Variants in POTEF observed in about 807,000 individuals in gnomAD.
The protein encoded by POTEF is POTE ankyrin domain family member F, also known as ANKRD26-like family C member 1B.
Under a neutral mutation model 83.2 loss-of-function variants are expected in POTEF, and 20 were observed. The observed-to-expected ratio is 0.24, with a 90% CI of 0.17 to 0.35. The LOEUF (loss-of-function observed/expected upper bound fraction) is 0.35, where lower values mean the gene tolerates loss of function less well. Among genes scored for constraint, POTEF ranks in the 10% least tolerant of loss-of-function variants. POTEF has a pLI of 1.00. For synonymous variants in POTEF, 196 were observed against 446.4 expected (o/e 0.44, Z 7.07); for missense variants, 550 against 1,203.2 (o/e 0.46, Z 8.03).
intron 3 of POTEF, among the ~76,000 whole-genome samples, chr2:130,115,706 A>G (rs1684828994): frequency 6.6e-6 from 1 of 152,248 alleles, no homozygotes; most frequent in African/African-American, 2.4e-5. Context: ...ACTCTGCACA[A>G]AAGATATAGA....
intron 6 of POTEF, among the ~76,000 whole-genome samples, chr2:130,111,599 G>C (rs1002894758): frequency 6.6e-6 from 1 of 151,468 alleles, no homozygotes; most frequent in Non-Finnish European, 1.5e-5. Flanking sequence ...CCCTATTTAT[G>C]TTTAATACAG....
At chr2:130,083,909 G>A (rs1390899768) in intron 15 of POTEF, among the ~76,000 whole-genome samples, 1 of 74,316 alleles carries the variant, frequency 1.3e-5, no homozygotes, top group Non-Finnish European at 2.6e-5. Flanking sequence ...GTCAGACCAA[G>A]GTTTTAAAGG....
chr2:130,105,267 A>C (rs1309109331), intron 8 of POTEF, among the ~76,000 whole-genome samples: 2 of 151,598 alleles, frequency 1.3e-5, no homozygotes, highest in Non-Finnish European at 2.9e-5. Flanking sequence ...CATAAAAAAA[A>C]TTAAGCAAAA....
In POTEF at chr2:130,073,905, G is replaced by T. The variant is rs1683693306; in HGVS notation, c.*339C>A. The T allele has an allele frequency of 6.3e-6, 3 of 472,862 alleles. No individual in the cohort carries two copies. The highest frequency in any genetic ancestry group is 5.9e-5 in the African/African-American group (3 of 50,950). 29.3% of individuals were successfully genotyped at this position (472,862 alleles called of 1,614,324 possible). Reference sequence around the variant, plus strand: ...TCACCTCCCCTGTGTGAACTAGGGAGAGGACTGGGCCATTCTCCTTAGAGA... The same window carrying T: ...TCACCTCCCCTGTGTGAACTAGGGATAGGACTGGGCCATTCTCCTTAGAGA... On this transcript the variant is annotated 3_prime_UTR_variant, in exon 17 of 17. Transcript: ENST00000409914.
In POTEF at chr2:130,078,255, A is replaced by T. The variant is rs1468345626; in HGVS notation, c.1779-1054T>A. Among the ~76,000 whole-genome samples, 3 of 89,586 alleles carry T rather than the reference A, an allele frequency of 3.3e-5. 1 individual carries two copies. The highest frequency in any genetic ancestry group is 8.5e-5 in the African/African-American group (2 of 23,580). 58.8% of individuals were successfully genotyped at this position (89,586 alleles called of 152,430 possible). On this transcript the variant is annotated intron_variant, in intron 15 of 16. Transcript: ENST00000409914. ...ATACATGAATTCAGTAAAGTCTCAG[A>T]GGTTACAAAATAAATGAATACCAAT...
rs4608469 is a variant in POTEF at position 130,075,065 on chromosome 2, C to A, written c.2407G>T (p.Val803Phe). 5 of 1,613,638 alleles carry A rather than the reference C, an allele frequency of 3.1e-6. 1 individual carries two copies. The highest frequency in any genetic ancestry group is 4.2e-6 in the Non-Finnish European group (5 of 1,179,866). ...TTCAGGGTGGCCTCGGTCAGCAGGA[C>A]GGGGTGCTCCTCGGGAGCCACACGC... is the stretch of plus-strand genomic sequence containing the variant. Reference protein sequence around the residue: ...ELRVAPEEHPVLLTEATLNPK... With the variant: ...ELRVAPEEHPFLLTEATLNPK... The change falls in exon 17 of 17, where the codon GTC becomes TTC. Residue 803 changes from valine to phenylalanine, a missense_variant. Transcript: ENST00000409914.
intron 3 of POTEF, among the ~76,000 whole-genome samples, chr2:130,115,897 T>C (rs1030054667): frequency 1.1e-4 from 17 of 152,092 alleles, no homozygotes; most frequent in African/African-American, 3.6e-4. Flanking sequence ...CTCCATGTTG[T>C]CTCCACTGAA....
At chr2:130,115,943 G>A (rs1226291965) in intron 3 of POTEF, among the ~76,000 whole-genome samples, 2 of 151,870 alleles carry the variant, frequency 1.3e-5, no homozygotes, top group African/African-American at 2.4e-5. Flanking sequence ...TATAATTGGC[G>A]GCATTTAAAT....
chr2:130,127,303 C>A (rs1166403394), intron 2 of POTEF, among the ~76,000 whole-genome samples: 1 of 96,372 alleles, frequency 1.0e-5, no homozygotes, highest in Non-Finnish European at 1.8e-5. Context: ...CCAGCCTGGG[C>A]AAAAGAGCGA....
At chr2:130,114,304 C>A (rs954086637) in intron 5 of POTEF, among the ~76,000 whole-genome samples, 1 of 151,852 alleles carries the variant, frequency 6.6e-6, no homozygotes. Flanking sequence ...ACAACACACA[C>A]ACACACAACC....
Position 130,120,485 on chromosome 2 carries a change from C to T in POTEF, c.31G>A (p.Ala11Thr). ...CCAAATGGCTTCTTCACAGAAGAGG[C>T]AGCCGGCATGGAATCAACCTCAACC... MVVEVDSMPA[A>T]SSVKKPFGLR... Residue 11 changes from alanine (A) to threonine (T), a missense_variant, in exon 3 of 17, where the codon GCC becomes ACC. Coordinates refer to ENST00000409914, the MANE Select transcript of POTEF (RefSeq NM_001099771.2). 1.2e-6 allele frequency: 2 copies of T among 1,613,404 alleles called. No homozygotes were observed. Among genetic ancestry groups the T allele is most frequent in the Non-Finnish European group, 1.7e-6 (2 of 1,179,860 alleles).
At chr2:130,123,319 T>C (rs1019136510) in intron 2 of POTEF, among the ~76,000 whole-genome samples, 25 of 151,204 alleles carry the variant, frequency 1.7e-4, no homozygotes, top group African/African-American at 6.1e-4. Flanking sequence ...AATTCCTACA[T>C]TATCATTGGG....
At chr2:130,118,259 T>A (rs1237467105) in intron 3 of POTEF, among the ~76,000 whole-genome samples, 1 of 151,906 alleles carries the variant, frequency 6.6e-6, no homozygotes, top group Non-Finnish European at 1.5e-5. Flanking sequence ...TCTTCTAACT[T>A]AAATAGAAAA....
rs543591383 is a variant in POTEF at position 130,116,491 on chromosome 2, C to T, written c.522-1163G>A. Among the ~76,000 whole-genome samples the T allele has an allele frequency of 3.3e-4, 49 of 146,906 alleles. 1 individual carries two copies. The highest frequency in any genetic ancestry group is 9.6e-4 in the African/African-American group (37 of 38,642). ...ACCCATTCATTCTATTTCCTGCTTC[C>T]TTCCCTCCTCCCACCCTTCACCCTG... is the stretch of plus-strand genomic sequence containing the variant. On this transcript the variant is annotated intron_variant, in intron 3 of 16. Coordinates refer to ENST00000409914, the MANE Select transcript of POTEF (RefSeq NM_001099771.2).
At chr2:130,077,492 G>A (rs1246389561) in intron 15 of POTEF, among the ~76,000 whole-genome samples, 1 of 148,178 alleles carries the variant, frequency 6.7e-6, no homozygotes, top group East Asian at 2.0e-4. Flanking sequence ...AATATATAAT[G>A]AAATAATTAT....
chr2:130,103,312 G>C (rs1299830319), intron 8 of POTEF, among the ~76,000 whole-genome samples: 3 of 150,346 alleles, frequency 2.0e-5, no homozygotes, highest in Non-Finnish European at 4.4e-5. Flanking sequence ...CATTGGCCAT[G>C]ATGGTCCTGA....
intron 8 of POTEF, among the ~76,000 whole-genome samples, chr2:130,103,098 CTTTCTTTTT>C (rs1447917084): frequency 8.2e-6 from 1 of 122,434 alleles, no homozygotes; most frequent in Non-Finnish European, 1.7e-5. Context: ...ATTTTTCTTT[CTTTCTTTTT>C]TTTTTTTTTT....
In POTEF at chr2:130,097,486, CAT is replaced by C. The variant is rs1411685439; in HGVS notation, c.1409+1982_1409+1983del. Among the ~76,000 whole-genome samples, 97 of 135,358 alleles carry C rather than the reference CAT, an allele frequency of 7.2e-4. No individual in the cohort carries two copies. In the South Asian group the frequency reaches 0.023, roughly 32 times the overall value. The allele number at this position is 135,358 out of a possible 152,430, so 88.8% of individuals were successfully genotyped here. On this transcript the variant is annotated intron_variant, in intron 11 of 16. Coordinates refer to ENST00000409914, the MANE Select transcript of POTEF (RefSeq NM_001099771.2). ...TTTTAAAGGTTATAAAAATTATACA[CAT>C]GTGGCATTAAAAATGCCAGACTGAG...
At chr2:130,121,122 G>GGCGTGC (rs1378212155) in intron 2 of POTEF, among the ~76,000 whole-genome samples, 2 of 151,512 alleles carry the variant, frequency 1.3e-5, no homozygotes, top group Non-Finnish European at 2.9e-5. Context: ...GTGTGCGCGC[G>GGCGTGC]GCGTGCGCGT....
Sources: allele counts gnomAD v4.1 joint callset (sites outside exome capture counted in the v4.1 genomes callset), GRCh38; gene constraint gnomAD v4.1.1; transcripts MANE v1.5; gene names NCBI Gene and HGNC (gene_info 2026-07-23, HGNC 2026-07-21).